The following RBMS3 variants were observed in gnomAD, a reference collection of about 807,000 sequenced individuals.
The protein encoded by RBMS3 is RNA binding motif single stranded interacting protein 3.
A neutral mutation model predicts 66.8 loss-of-function variants in RBMS3; 27 were observed. That is an observed-to-expected ratio of 0.40 (90% confidence interval 0.30 to 0.56). The LOEUF is 0.56. Among genes scored for constraint, RBMS3 ranks in the 20% least tolerant of loss-of-function variants. The probability of loss-of-function intolerance (pLI) is 0.40; values close to 1 mark genes in which losing one functional copy is unlikely to be tolerated. For synonymous variants in RBMS3, 188 were observed against 183.0 expected, an observed-to-expected ratio of 1.03 and a Z score of -0.22; for missense variants, 513 against 549.5, an observed-to-expected ratio of 0.93 and a Z score of 0.66.
chr3:29,372,580 G>A (rs760083431), intron 1 of RBMS3, among the ~76,000 whole-genome samples: 48 of 151,954 alleles, frequency 3.2e-4, no homozygotes, highest in Non-Finnish European at 5.9e-4. Context: ...GAGCCAATAA[G>A]CAACCAAATA....
intron 4 of RBMS3, among the ~76,000 whole-genome samples, chr3:29,588,145 C>A (rs2047598911): frequency 6.6e-6 from 1 of 151,966 alleles, no homozygotes. Flanking sequence ...AAAGTCAAAA[C>A]AATTGTTTAT....
chr3:29,601,571 A>G (rs930282324), intron 4 of RBMS3, among the ~76,000 whole-genome samples: 2 of 152,008 alleles, frequency 1.3e-5, no homozygotes, highest in African/African-American at 4.8e-5. Context: ...CTAAAAATTA[A>G]AGGACTTGTG....
At chr3:29,311,563 A>G (rs998793234) in intron 1 of RBMS3, among the ~76,000 whole-genome samples, 8 of 151,836 alleles carry the variant, frequency 5.3e-5, no homozygotes, top group African/African-American at 1.9e-4. Context: ...GGGGTGCCAT[A>G]TAATTTAGAT....
rs1444671126 is a variant in RBMS3, at chr3:29,541,060, C to T, written c.308-46054C>T. On this transcript the variant is annotated intron_variant, in intron 3 of 14. Transcript: ENST00000383767. The stretch of plus-strand genomic sequence containing the variant: ...TACATAGCCCATTGTGTGCCTCACA[C>T]GGATGTGAAGTGGCCTAACCGAATT... Among the ~76,000 whole-genome samples, 9 of 152,130 alleles carry T rather than the reference C, an allele frequency of 5.9e-5. No homozygotes were observed. The East Asian group carries it at 9.6e-4, about 16-fold the overall frequency.
At chr3:29,520,066 A>G (rs2044795245) in intron 3 of RBMS3, among the ~76,000 whole-genome samples, 1 of 152,130 alleles carries the variant, frequency 6.6e-6, no homozygotes, top group African/African-American at 2.4e-5. Context: ...CTGTATTTTT[A>G]TTTGCTAAAT....
intron 6 of RBMS3, among the ~76,000 whole-genome samples, chr3:29,851,662 T>C (rs1576993735): frequency 1.3e-5 from 2 of 152,172 alleles, no homozygotes; most frequent in Non-Finnish European, 1.5e-5. Flanking sequence ...TCATATCAGA[T>C]CTTAAATTGC....
At chr3:29,983,239 C>A (rs199725808) in intron 12 of RBMS3, among the ~76,000 whole-genome samples, 1 of 136,234 alleles carries the variant, frequency 7.3e-6, no homozygotes, top group African/African-American at 2.6e-5. Flanking sequence ...CCCCCGCCCC[C>A]TTTTTTTTTT....
chr3:29,673,788 G>A (rs1256514160), intron 4 of RBMS3, among the ~76,000 whole-genome samples: 1 of 152,058 alleles, frequency 6.6e-6, no homozygotes, highest in Non-Finnish European at 1.5e-5. Context: ...AAAAGTCCAG[G>A]ACCAGACGGA....
intron 12 of RBMS3, among the ~76,000 whole-genome samples, chr3:29,978,168 CAG>C (rs1179101626): frequency 1.3e-5 from 2 of 152,162 alleles, no homozygotes; most frequent in Non-Finnish European, 2.9e-5. Flanking sequence ...AGAGAAAGTT[CAG>C]AGTTATTTGT....
intron 12 of RBMS3, among the ~76,000 whole-genome samples, chr3:29,946,376 A>T (rs1194934468): frequency 2.0e-5 from 3 of 151,674 alleles, no homozygotes; most frequent in African/African-American, 7.3e-5. Flanking sequence ...GTTTTAATTG[A>T]TTGTAGTCGA....
intron 1 of RBMS3, among the ~76,000 whole-genome samples, chr3:29,352,952 T>TG (rs1482323888): frequency 6.6e-6 from 1 of 151,960 alleles, no homozygotes; most frequent in Non-Finnish European, 1.5e-5. Flanking sequence ...CTGTACAGTA[T>TG]TTCATTGTGT....
chr3:29,930,928 G>A (rs1300401177), intron 10 of RBMS3, among the ~76,000 whole-genome samples: 1 of 151,936 alleles, frequency 6.6e-6, no homozygotes, highest in Non-Finnish European at 1.5e-5. Context: ...CCATTTTAAC[G>A]AGCAATCTCA....
At chr3:29,921,893 G>GAATA (rs2060790806) in intron 10 of RBMS3, among the ~76,000 whole-genome samples, 2 of 152,118 alleles carry the variant, frequency 1.3e-5, no homozygotes, top group African/African-American at 2.4e-5. Flanking sequence ...TGGGGACCCA[G>GAATA]AGCCTCCTGC....
At chr3:29,973,004 T>G (rs1404399363) in intron 12 of RBMS3, among the ~76,000 whole-genome samples, 1 of 152,038 alleles carries the variant, frequency 6.6e-6, no homozygotes, top group East Asian at 1.9e-4. Context: ...CTAAGGACAT[T>G]AGTTGTTTAT....
intron 6 of RBMS3, among the ~76,000 whole-genome samples, chr3:29,787,573 T>A (rs955674376): frequency 1.3e-5 from 2 of 152,202 alleles, no homozygotes; most frequent in Non-Finnish European, 2.9e-5. Context: ...GAGACTATTA[T>A]TCTAAGTAAC....
rs76754042 is a variant in RBMS3 at position 29,561,432 on chromosome 3, T to G, written c.308-25682T>G. ...CACAACCTTGCCAGCATCTGTTGTT[T>G]TTGTTGTTGTTGTTGTTGTTGTTGT... On this transcript the variant is annotated intron_variant, in intron 3 of 14. Transcript: ENST00000383767. 1.8e-3 allele frequency among the ~76,000 whole-genome samples: 272 copies of G among 149,054 alleles called. 1 individual carries two copies. The highest frequency in any genetic ancestry group is 6.0e-3 in the African/African-American group (237 of 39,370).
chr3:29,650,808 G>T (rs1054932230), intron 4 of RBMS3, among the ~76,000 whole-genome samples: 3 of 152,156 alleles, frequency 2.0e-5, no homozygotes, highest in African/African-American at 7.2e-5. Context: ...TTTTATTAAA[G>T]CTGCATTCTT....
In RBMS3 at chr3:29,424,024, G is replaced by A. The variant is rs2040848646; in HGVS notation, c.76-10719G>A. 3.3e-5 allele frequency among the ~76,000 whole-genome samples: 5 copies of A among 152,266 alleles called. No homozygotes were observed. The South Asian group carries it at 1.0e-3, about 32-fold the overall frequency. ...CTGAGATCAGGAAATAAATCAATGA[G>A]CATAAAGCTCTTAGAATTGTGCCTG... On this transcript the variant is annotated intron_variant, in intron 1 of 14. Coordinates refer to ENST00000383767, the MANE Select transcript of RBMS3 (RefSeq NM_001003793.3).
At chr3:29,785,343 G>A (rs940473139) in intron 6 of RBMS3, among the ~76,000 whole-genome samples, 3 of 152,062 alleles carry the variant, frequency 2.0e-5, no homozygotes, top group African/African-American at 4.8e-5. Flanking sequence ...TCATACCAGG[G>A]ATGTAAGGAT....
Sources: gnomAD v4.1 joint callset for allele counts (sites outside exome capture counted in the v4.1 genomes callset) on GRCh38, gnomAD v4.1.1 for gene constraint, MANE v1.5 for transcripts, NCBI Gene and HGNC (gene_info 2026-07-23, HGNC 2026-07-21) for gene names.